Variants in SULF1 observed in about 807,000 individuals in gnomAD.
The protein encoded by SULF1 is sulfatase 1, also known as extracellular sulfatase Sulf-1.
SULF1 carries 46 observed loss-of-function variants against 110.5 expected under a neutral mutation model. The ratio of observed to expected loss-of-function variants is 0.42; its 90% CI spans 0.33 to 0.53. The LOEUF (loss-of-function observed/expected upper bound fraction) is 0.53. SULF1 is among the 20% of genes least tolerant of loss of function. The pLI is 0.12. For synonymous variants in SULF1, 371 were observed against 387.1 expected (o/e 0.96, Z 0.49); for missense variants, 941 against 1,094.2 (o/e 0.86, Z 1.98).
chr8:69,563,797 C>T, intron 4 of SULF1, 119 bp from the exon 5 acceptor site: 2 of 602,152 alleles, frequency 3.3e-6, no homozygotes, highest in East Asian at 5.6e-5. Context: ...CATGTGCAAC[C>T]CTGTCTCTGC....
chr8:69,560,919 T>G (rs935112940), intron 3 of SULF1, among the ~76,000 whole-genome samples: 2 of 152,206 alleles, frequency 1.3e-5, no homozygotes, highest in African/African-American at 4.8e-5. Flanking sequence ...AATTCAATTT[T>G]CTTGACCACT....
chr8:69,651,330 G>A lies in SULF1; in HGVS notation c.2586-7175G>A, dbSNP rs144975774. 1.2e-3 allele frequency among the ~76,000 whole-genome samples: 181 copies of A among 152,218 alleles called. No individual in the cohort carries two copies. The East Asian group carries it at 0.016, about 14-fold the overall frequency. ...AGCCTTCCAGAGTGCTAGGATTACA[G>A]GCATGAGCCACCGCGCCCAGCCTCG... On this transcript the variant is annotated intron_variant, in intron 22 of 22. Coordinates refer to ENST00000402687, the MANE Select transcript of SULF1 (RefSeq NM_001128205.2).
intron 2 of SULF1, among the ~76,000 whole-genome samples, chr8:69,497,155 CTTTT>C (rs5892193): frequency 9.6e-4 from 117 of 121,692 alleles, no homozygotes; most frequent in Middle Eastern, 4.2e-3. Context: ...GTTCTTTTCT[CTTTT>C]TTTTTTTTTT....
intron 3 of SULF1, among the ~76,000 whole-genome samples, chr8:69,553,785 T>C (rs142926782): frequency 4.7e-4 from 72 of 152,372 alleles, no homozygotes; most frequent in African/African-American, 1.7e-3. Context: ...TCTTTATTTT[T>C]GTTTTTCCTT....
At chr8:69,640,737 A>C (rs2130685199) in intron 21 of SULF1, 71 bp from the exon 22 acceptor site, 1 of 1,371,372 alleles carries the variant, frequency 7.3e-7, no homozygotes, top group East Asian at 2.4e-5. Flanking sequence ...TTGTGCATGA[A>C]AAACTATATA....
At chr8:69,641,649 C>G (rs950338412) in intron 22 of SULF1, among the ~76,000 whole-genome samples, 1 of 152,068 alleles carries the variant, frequency 6.6e-6, no homozygotes, top group Non-Finnish European at 1.5e-5. Flanking sequence ...GAAGCTGAGG[C>G]AGGAGGATCG....
intron 3 of SULF1, among the ~76,000 whole-genome samples, chr8:69,523,949 T>G (rs1812498578): frequency 6.6e-6 from 1 of 152,066 alleles, no homozygotes; most frequent in African/African-American, 2.4e-5. Flanking sequence ...ATTGTGTTCA[T>G]GAGCTCACAT....
At chr8:69,506,164 G>T (rs1255868201) in intron 3 of SULF1, among the ~76,000 whole-genome samples, 1 of 151,922 alleles carries the variant, frequency 6.6e-6, no homozygotes, top group African/African-American at 2.4e-5. Flanking sequence ...TGTGCATTGT[G>T]TTCCATTACA....
intron 3 of SULF1, among the ~76,000 whole-genome samples, chr8:69,554,664 A>AAAAAAG (rs1299277041): frequency 1.2e-4 from 18 of 151,988 alleles, no homozygotes; most frequent in African/African-American, 4.3e-4. Flanking sequence ...CCTTTCTAAA[A>AAAAAAG]AAAAAGAAAA....
intron 3 of SULF1, among the ~76,000 whole-genome samples, chr8:69,516,253 G>A (rs1811910614): frequency 6.6e-6 from 1 of 152,162 alleles, no homozygotes; most frequent in Non-Finnish European, 1.5e-5. Flanking sequence ...AGGCTGTACA[G>A]GAAGCATGGT....
intron 3 of SULF1, among the ~76,000 whole-genome samples, chr8:69,541,425 C>T (rs1341629661): frequency 3.9e-5 from 6 of 152,122 alleles, no homozygotes; most frequent in African/African-American, 1.4e-4. Context: ...TCAGAAAAAC[C>T]GAGGCAGTGG....
At chr8:69,542,633 A>T (rs1813938739) in intron 3 of SULF1, among the ~76,000 whole-genome samples, 1 of 152,160 alleles carries the variant, frequency 6.6e-6, no homozygotes, top group African/African-American at 2.4e-5. Context: ...TTTGATACAA[A>T]TGATATTATC....
intron 3 of SULF1, among the ~76,000 whole-genome samples, chr8:69,518,856 A>C (rs1401129942): frequency 6.6e-6 from 1 of 152,144 alleles, no homozygotes; most frequent in Non-Finnish European, 1.5e-5. Flanking sequence ...ATATTCAGCA[A>C]AGGACTTGAG....
At chr8:69,547,515 CATCT>C (rs2150683986) in intron 3 of SULF1, among the ~76,000 whole-genome samples, 1 of 152,272 alleles carries the variant, frequency 6.6e-6, no homozygotes, top group East Asian at 1.9e-4. Flanking sequence ...GTTTGACTTT[CATCT>C]ACCTTGACTG....
At chr8:69,615,395 T>C (rs188802969) in intron 13 of SULF1, among the ~76,000 whole-genome samples, 8 of 152,330 alleles carry the variant, frequency 5.3e-5, no homozygotes, top group Admixed American at 2.6e-4. Flanking sequence ...GCTGTGGCAA[T>C]GTGTGATAAT....
rs544805336 is a variant in SULF1, at chr8:69,616,831, G to A, written c.1378-4204G>A. ...GCCTCCCAAAGTGCTGGGATTACAG[G>A]CGTGAGCCACCACACCCGGCCTCAA... is the stretch of plus-strand genomic sequence containing the variant. On this transcript the variant is annotated intron_variant, in intron 13 of 22. Transcript: ENST00000402687. Among the ~76,000 whole-genome samples the A allele has an allele frequency of 3.0e-3, 451 of 151,864 alleles. 5 individuals carry two copies. Among genetic ancestry groups the A allele is most frequent in the African/African-American group, 0.011 (441 of 41,422 alleles).
chr8:69,538,660 T>A (rs527710424), intron 3 of SULF1, among the ~76,000 whole-genome samples: 2 of 152,122 alleles, frequency 1.3e-5, no homozygotes, highest in African/African-American at 4.8e-5. Context: ...TAGTCTTTTT[T>A]CTTTTTGCAA....
chr8:69,478,929 AT>A (rs1252603884), intron 1 of SULF1, among the ~76,000 whole-genome samples: 6 of 152,196 alleles, frequency 3.9e-5, no homozygotes, highest in African/African-American at 1.4e-4. Context: ...AGAACATTAT[AT>A]TTTAGTCATT....
Position 69,627,212 on chromosome 8 carries a change from G to T in SULF1, c.1853G>T (p.Cys618Phe). Reference sequence around the variant, plus strand: ...CATGGTTTTGGTTTGTTTTGCAGGTGTTTTATTCTTCCCAATGACTCTATC... The same window carrying T: ...CATGGTTTTGGTTTGTTTTGCAGGTTTTTTATTCTTCCCAATGACTCTATC... ...PPTTVRVTHK[C>F]FILPNDSIHC... is the part of the protein sequence containing the mutation. Residue 618 changes from cysteine (C) to phenylalanine (F), a missense_variant and splice_region_variant, in exon 16 of 23, where the codon TGT (cysteine) becomes TTT (phenylalanine). Cys to Phe is a radical substitution (Grantham distance 205, BLOSUM62 -2). Coordinates refer to ENST00000402687, the MANE Select transcript of SULF1 (RefSeq NM_001128205.2). 6.2e-7 allele frequency: 1 copy of T among 1,613,526 alleles called. No individual in the cohort carries two copies. The highest frequency in any genetic ancestry group is 8.5e-7 in the Non-Finnish European group (1 of 1,179,472).
Sources: allele counts gnomAD v4.1 joint callset (sites outside exome capture counted in the v4.1 genomes callset), GRCh38; gene constraint gnomAD v4.1.1; transcripts MANE v1.5; gene names NCBI Gene and HGNC (gene_info 2026-07-23, HGNC 2026-07-21).